GRM5: variants seen among roughly 807,000 people sequenced by gnomAD.
The protein encoded by GRM5 is metabotropic glutamate receptor 5.
Under a neutral mutation model 83.1 loss-of-function variants are expected in GRM5, and 19 were observed. That is an observed-to-expected ratio of 0.23 (90% CI 0.16 to 0.34). GRM5 has a LOEUF of 0.34. Among genes scored for constraint, GRM5 ranks in the 10% least tolerant of loss-of-function variants. The probability of loss-of-function intolerance (pLI) is 1.00; values close to 1 mark genes in which losing one functional copy is unlikely to be tolerated. For synonymous variants in GRM5, 675 were observed against 633.6 expected (o/e 1.07, Z -0.98); for missense variants, 1,160 against 1,588.3 (o/e 0.73, Z 4.58).
At chr11:88,803,774 G>A (rs988885335) in intron 3 of GRM5, among the ~76,000 whole-genome samples, 7 of 152,016 alleles carry the variant, frequency 4.6e-5, no homozygotes, top group East Asian at 1.9e-4. Context: ...GAAAATTTTC[G>A]CAACCTACTC....
chr11:88,844,068 CT>C, intron 3 of GRM5, among the ~76,000 whole-genome samples: 1 of 151,988 alleles, frequency 6.6e-6, no homozygotes. Context: ...ACAAAACAGC[CT>C]TTTTTTGGAA....
intron 2 of GRM5, among the ~76,000 whole-genome samples, chr11:88,861,471 G>C (rs1944561085): frequency 6.6e-6 from 1 of 151,592 alleles, no homozygotes; most frequent in African/African-American, 2.4e-5. Context: ...TGTTGTTGTT[G>C]TTGCTTTTTC....
At chr11:88,770,187 T>G (rs1942703251) in intron 3 of GRM5, among the ~76,000 whole-genome samples, 1 of 152,006 alleles carries the variant, frequency 6.6e-6, no homozygotes, top group South Asian at 2.1e-4. Flanking sequence ...GCAAATAAGG[T>G]ATGAAAAACT....
At chr11:89,034,248 A>T (rs1188405472) in intron 2 of GRM5, among the ~76,000 whole-genome samples, 1 of 151,858 alleles carries the variant, frequency 6.6e-6, no homozygotes, top group African/African-American at 2.4e-5. Context: ...TCTCAAAGGG[A>T]ACAGTACTGA....
intron 3 of GRM5, among the ~76,000 whole-genome samples, chr11:88,836,598 C>A (rs746360104): frequency 6.6e-6 from 1 of 152,024 alleles, no homozygotes. Flanking sequence ...TTGAGACCAA[C>A]GTGGCCAAGA....
chr11:88,882,531 G>A (rs1384696171), intron 2 of GRM5, among the ~76,000 whole-genome samples: 3 of 150,230 alleles, frequency 2.0e-5, no homozygotes, highest in African/African-American at 2.4e-5. Context: ...ACTGCAGTCC[G>A]GTCTGGGCAA....
chr11:88,910,167 C>T (rs1442075637), intron 2 of GRM5, among the ~76,000 whole-genome samples: 2 of 152,000 alleles, frequency 1.3e-5, no homozygotes, highest in African/African-American at 2.4e-5. Flanking sequence ...TGAAATCATA[C>T]AATATTTGTC....
chr11:88,724,829 AG>A (rs1941636857), intron 3 of GRM5, among the ~76,000 whole-genome samples: 1 of 152,088 alleles, frequency 6.6e-6, no homozygotes, highest in Non-Finnish European at 1.5e-5. Context: ...CCCCTAGCCA[AG>A]GGAGGCTAGG....
chr11:88,810,120 G>A (rs889710935), intron 3 of GRM5, among the ~76,000 whole-genome samples: 1 of 151,998 alleles, frequency 6.6e-6, no homozygotes, highest in African/African-American at 2.4e-5. Flanking sequence ...CATTATTGGA[G>A]ATTAGGCCCC....
chr11:88,986,393 T>C (rs1199417466), intron 2 of GRM5, among the ~76,000 whole-genome samples: 1 of 152,178 alleles, frequency 6.6e-6, no homozygotes, highest in Non-Finnish European at 1.5e-5. Context: ...TGAGGTTTCC[T>C]AGTGGTGATG....
chr11:88,578,696 A>T (rs1412933264), intron 7 of GRM5, among the ~76,000 whole-genome samples: 2 of 152,160 alleles, frequency 1.3e-5, no homozygotes, highest in Non-Finnish European at 2.9e-5. Flanking sequence ...TGTAGGAAGA[A>T]AATTATTAAA....
intron 3 of GRM5, among the ~76,000 whole-genome samples, chr11:88,751,968 A>T (rs1942281887): frequency 6.6e-6 from 1 of 152,164 alleles, no homozygotes; most frequent in South Asian, 2.1e-4. Context: ...AATAAAAGCT[A>T]TATATGACAA....
chr11:88,950,484 T>G (rs1938423746), intron 2 of GRM5, among the ~76,000 whole-genome samples: 1 of 151,930 alleles, frequency 6.6e-6, no homozygotes. Flanking sequence ...AATACCTTCT[T>G]AAATTTTTGC....
chr11:89,023,144 T>C, intron 2 of GRM5, among the ~76,000 whole-genome samples: 1 of 139,288 alleles, frequency 7.2e-6, no homozygotes, highest in African/African-American at 3.2e-5. Flanking sequence ...GCAAAGAGTG[T>C]GTGTGTGTGT....
chr11:89,048,747 A>G (rs1941696790), intron 1 of GRM5, among the ~76,000 whole-genome samples: 1 of 152,202 alleles, frequency 6.6e-6, no homozygotes, highest in Non-Finnish European at 1.5e-5. Context: ...AGGTTGGGGA[A>G]TTATAGAGTA....
chr11:88,930,389 G>A (rs998103375), intron 2 of GRM5, among the ~76,000 whole-genome samples: 9 of 152,130 alleles, frequency 5.9e-5, no homozygotes, highest in East Asian at 1.9e-4. Context: ...ATTCCAGCCC[G>A]GGCAACAGAA....
intron 4 of GRM5, among the ~76,000 whole-genome samples, chr11:88,643,098 A>AG (rs1288206541): frequency 3.3e-5 from 5 of 151,004 alleles, no homozygotes; most frequent in African/African-American, 9.7e-5. Context: ...ATAAGAAAAA[A>AG]ATGTTTAATT....
intron 2 of GRM5, among the ~76,000 whole-genome samples, chr11:89,019,070 G>T (rs1940922497): frequency 6.6e-6 from 1 of 152,024 alleles, no homozygotes. Flanking sequence ...TGCCTCCTTA[G>T]GCTCCTCAAA....
chr11:88,678,285 C>T (rs916945828), intron 3 of GRM5, among the ~76,000 whole-genome samples: 1 of 151,978 alleles, frequency 6.6e-6, no homozygotes, highest in African/African-American at 2.4e-5. Context: ...TCTTGAACTC[C>T]TGGGCTCAAG....
Sources: allele counts gnomAD v4.1 joint callset (sites outside exome capture counted in the v4.1 genomes callset), GRCh38; gene constraint gnomAD v4.1.1; transcripts MANE v1.5; gene names NCBI Gene and HGNC (gene_info 2026-07-23, HGNC 2026-07-21).